The following HLA-DPB1 variants were observed in gnomAD, a reference collection of about 807,000 sequenced individuals.
HLA-DPB1 encodes HLA class II histocompatibility antigen, DP beta 1 chain.
HLA-DPB1 carries 30 observed loss-of-function variants against 29.4 expected under a neutral mutation model. The observed-to-expected ratio is 1.02, with a 90% confidence interval of 0.76 to 1.38. The LOEUF (loss-of-function observed/expected upper bound fraction) is 1.38. Ranked by LOEUF, HLA-DPB1 falls within the 40% of genes most tolerant of loss-of-function variation. HLA-DPB1 has a pLI of 0.00. For missense variants in HLA-DPB1, 261 were observed against 327.5 expected (o/e 0.80, Z 1.57); for synonymous variants, 114 against 134.0 (o/e 0.85, Z 1.03).
intron 1 of HLA-DPB1, among the ~76,000 whole-genome samples, chr6:33,076,596 G>A (rs1318601808): frequency 6.6e-6 from 1 of 152,200 alleles, no homozygotes; most frequent in East Asian, 1.9e-4. Flanking sequence ...CCCCAGGGTG[G>A]AGCAGGAGCC....
Position 33,087,609 on chromosome 6 carries a change from C to A in HLA-DPB1, c.*1075C>A, listed in dbSNP as rs1023899754. The stretch of plus-strand genomic sequence containing the variant: ...TGCCTTCAGTCTCCCTGGCTTCTTA[C>A]AAGCATCTTCTGGGCCTTGTGTGTC... On this transcript the variant is annotated 3_prime_UTR_variant, in exon 6 of 6. Coordinates refer to ENST00000418931, the MANE Select transcript of HLA-DPB1 (RefSeq NM_002121.6). Among the ~76,000 whole-genome samples, 2 of 152,204 alleles carry A rather than the reference C, an allele frequency of 1.3e-5. No homozygotes were observed. Among genetic ancestry groups the A allele is most frequent in the Admixed American group, 1.3e-4 (2 of 15,286 alleles).
intron 2 of HLA-DPB1, among the ~76,000 whole-genome samples, chr6:33,082,581 A>G (rs941056291): frequency 6.6e-6 from 1 of 152,152 alleles, no homozygotes; most frequent in Non-Finnish European, 1.5e-5. Flanking sequence ...GAAGACTACT[A>G]AGGGTGCTGG....
chr6:33,081,288 T>G, intron 2 of HLA-DPB1: 1 of 266,616 alleles, frequency 3.8e-6, no homozygotes, highest in Non-Finnish European at 7.0e-6. Flanking sequence ...AGAAGAAACC[T>G]ACAGGGAGGT....
rs956770435 is a variant in HLA-DPB1, at chr6:33,084,906, A to G, written c.365-44A>G. 25 of 1,151,098 alleles carry G rather than the reference A, an allele frequency of 2.2e-5. 1 individual carries two copies. The highest frequency in any genetic ancestry group is 2.9e-5 in the Non-Finnish European group (24 of 837,914). The allele number at this position is 1,151,098 out of a possible 1,614,324, so 71.3% of individuals were successfully genotyped here. ...GAAGGAAGGAAGGAAGGAAAGAAGGACAATCTCAAATTCTATTTCATTATT... is the reference window on the plus strand; with the variant it reads ...GAAGGAAGGAAGGAAGGAAAGAAGGGCAATCTCAAATTCTATTTCATTATT... On this transcript the variant is annotated intron_variant, in intron 2 of 5. Coordinates refer to ENST00000418931, the MANE Select transcript of HLA-DPB1 (RefSeq NM_002121.6).
At position 33,088,132 on chromosome 6, in the gene HLA-DPB1, A is replaced by G. The variant is rs1216015827; in HGVS notation, c.*1598A>G. ...TGAGAAACCTATGCAGCATAAAATT[A>G]ATATGATTTCAATCCAGGGATTCAA... is the stretch of plus-strand genomic sequence containing the variant. On this transcript the variant is annotated 3_prime_UTR_variant, in exon 6 of 6. Transcript: ENST00000418931. Among the ~76,000 whole-genome samples, 1 of 152,216 alleles carries G rather than the reference A, an allele frequency of 6.6e-6. No homozygotes were observed. The highest frequency in any genetic ancestry group is 1.5e-5 in the Non-Finnish European group (1 of 68,038).
chr6:33,081,210 A>C, intron 2 of HLA-DPB1: 1 of 497,982 alleles, frequency 2.0e-6, no homozygotes, highest in Non-Finnish European at 3.5e-6. Flanking sequence ...GAAAAAAGGA[A>C]GCCACAGGAC....
At position 33,080,658 on chromosome 6, in the gene HLA-DPB1, C is replaced by A. The variant is rs772739416; in HGVS notation, c.101-14C>A. 1 of 1,612,206 alleles carries A rather than the reference C, an allele frequency of 6.2e-7. No homozygotes were observed. The highest frequency in any genetic ancestry group is 1.7e-5 in the Admixed American group (1 of 60,010). On this transcript the variant is annotated splice_polypyrimidine_tract_variant and intron_variant, in intron 1 of 5. Coordinates refer to ENST00000418931, the MANE Select transcript of HLA-DPB1 (RefSeq NM_002121.6). The surrounding 1 kb of genome is among the most constrained non-coding windows in gnomAD (Gnocchi z 4.3). Reference sequence around the variant, plus strand: ...AGAGTGGCGCCTCCGCTCATGTCCGCCCCCTCCCCGCAGAGAATTACCTTT... The same window carrying A: ...AGAGTGGCGCCTCCGCTCATGTCCGACCCCTCCCCGCAGAGAATTACCTTT...
Position 33,085,241 on chromosome 6 carries a change from T to TGA in HLA-DPB1, c.646+11_646+12dup. 1 of 1,595,936 alleles carries TGA rather than the reference T, an allele frequency of 6.3e-7. No individual in the cohort carries two copies. On this transcript the variant is annotated intron_variant, in intron 3 of 5. Transcript: ENST00000418931. ...GTCACCGTGGAGTGGAGTGAGTCTC[T>TGA]GATGACCCTCTAGACCCCACCTCTG... is the stretch of plus-strand genomic sequence containing the variant.
intron 2 of HLA-DPB1, among the ~76,000 whole-genome samples, chr6:33,082,502 A>G (rs9277378): frequency 0.4 from 60,780 of 151,746 alleles, 14,419 homozygotes; most frequent in African/African-American, 0.65. Flanking sequence ...CCATGTAGCC[A>G]GATAAGTATT....
chr6:33,084,921 A>G lies in HLA-DPB1; in HGVS notation c.365-29A>G, dbSNP rs376756513. ...GGAAAGAAGGACAATCTCAAATTCT[A>G]TTTCATTATTTTTCTTCCACGCTCC... On this transcript the variant is annotated intron_variant, in intron 2 of 5. Coordinates refer to ENST00000418931, the MANE Select transcript of HLA-DPB1 (RefSeq NM_002121.6). 1.2e-5 allele frequency: 17 copies of G among 1,365,914 alleles called. 2 individuals carry two copies. The highest frequency in any genetic ancestry group is 1.7e-5 in the Non-Finnish European group (17 of 1,000,772). 84.6% of individuals were successfully genotyped at this position (1,365,914 alleles called of 1,614,324 possible). A position where few individuals can be genotyped will look rare whatever the true frequency, so the allele number is the denominator to read the frequency against.
intron 3 of HLA-DPB1, 85 bp downstream of exon 3, chr6:33,085,316 AT>A (rs1363450754): frequency 8.3e-7 from 1 of 1,199,510 alleles, no homozygotes; most frequent in African/African-American, 1.6e-5. Flanking sequence ...TATCTTCTGC[AT>A]CTATACCCTG....
rs3130169 is a variant in HLA-DPB1 at position 33,080,325 on chromosome 6, C to T, written c.101-347C>T. The T allele has an allele frequency of 0.08, 38,295 of 477,644 alleles. 2,041 individuals carry two copies. Among genetic ancestry groups the T allele is most frequent in the Non-Finnish European group, 0.1 (25,330 of 242,294 alleles). The allele number at this position is 477,644 out of a possible 1,614,324, so 29.6% of individuals were successfully genotyped here. ...CGCCCTCCACGTCCCCAGCTCCTCCCGCCCCTGTTTTTTCTCCCAGTGACC... is the reference window on the plus strand; with the variant it reads ...CGCCCTCCACGTCCCCAGCTCCTCCTGCCCCTGTTTTTTCTCCCAGTGACC... On this transcript the variant is annotated intron_variant, in intron 1 of 5. Transcript: ENST00000418931. The surrounding 1 kb of genome is among the most constrained non-coding windows in gnomAD (Gnocchi z 4.3).
At chr6:33,082,132 G>A (rs544249284) in intron 2 of HLA-DPB1, 1 of 152,386 alleles carries the variant, frequency 6.6e-6, no homozygotes, top group East Asian at 1.9e-4. Context: ...CACTGGGTGG[G>A]GATGAGGTGA....
Position 33,086,653 on chromosome 6 carries a change from G to C in HLA-DPB1, c.*119G>C. The C allele has an allele frequency of 2.0e-6, 1 of 490,254 alleles. No individual in the cohort carries two copies. The highest frequency in any genetic ancestry group is 4.1e-6 in the Non-Finnish European group (1 of 246,806). The allele number at this position is 490,254 out of a possible 1,614,324, so 30.4% of individuals were successfully genotyped here. Reference sequence around the variant, plus strand: ...CTTCCAAATTGGATACTGCTGCCAAGAAGTTGCTCTGAAGTCAGTTTCTAT... The same window carrying C: ...CTTCCAAATTGGATACTGCTGCCAACAAGTTGCTCTGAAGTCAGTTTCTAT... On this transcript the variant is annotated 3_prime_UTR_variant, in exon 6 of 6. Transcript: ENST00000418931.
At chr6:33,086,514 G>A in intron 5 of HLA-DPB1, 25 bp from the exon 6 acceptor site, 1 of 672,724 alleles carries the variant, frequency 1.5e-6, no homozygotes, top group South Asian at 1.5e-5. Context: ...GGCAACCTGG[G>A]ATAACTTGTC....
In HLA-DPB1 at chr6:33,086,531, C is replaced by T. The variant is rs756813500; in HGVS notation, c.*5-8C>T. 3.0e-6 allele frequency: 2 copies of T among 658,072 alleles called. No homozygotes were observed. Among genetic ancestry groups the T allele is most frequent in the East Asian group, 7.0e-5 (2 of 28,654 alleles). 40.8% of individuals were successfully genotyped at this position (658,072 alleles called of 1,614,324 possible). On this transcript the variant is annotated splice_region_variant and splice_polypyrimidine_tract_variant and intron_variant, in intron 5 of 5. Transcript: ENST00000418931. ...CAACCTGGGATAACTTGTCTTTTACCCCCACAGGGTTCCTGAGCTCACTGA... is the reference window on the plus strand; with the variant it reads ...CAACCTGGGATAACTTGTCTTTTACTCCCACAGGGTTCCTGAGCTCACTGA...
chr6:33,086,119 T>G, intron 4 of HLA-DPB1, 100 bp from the exon 5 acceptor site: 2 of 1,116,354 alleles, frequency 1.8e-6, no homozygotes, highest in Non-Finnish European at 2.7e-6. Context: ...GAGCGTCCAT[T>G]GAGTGATGGG....
rs3130186 is a variant in HLA-DPB1 at position 33,088,430 on chromosome 6, C to T, written c.*1896C>T. On this transcript the variant is annotated 3_prime_UTR_variant, in exon 6 of 6. Coordinates refer to ENST00000418931, the MANE Select transcript of HLA-DPB1 (RefSeq NM_002121.6). ...GGTATCTGCACCCACATTACAGGAA[C>T]AGGATATGTGCTCCTAGGGAACTGA... Among the ~76,000 whole-genome samples, 38,351 of 151,980 alleles carry T rather than the reference C, an allele frequency of 0.25. 5,253 individuals are homozygous for T. Among genetic ancestry groups the T allele is most frequent in the East Asian group, 0.63 (3,246 of 5,174 alleles).
chr6:33,083,848 A>C (rs1762977349), intron 2 of HLA-DPB1: 2 of 152,216 alleles, frequency 1.3e-5, no homozygotes, highest in South Asian at 4.2e-4. Context: ...GTGGAAATTC[A>C]CCTGAGAACA....
Sources: gnomAD v4.1 joint callset for allele counts (sites outside exome capture counted in the v4.1 genomes callset) on GRCh38, gnomAD v4.1.1 for gene constraint, Gnocchi (gnomAD v3.1) non-coding constraint, MANE v1.5 for transcripts, NCBI Gene and HGNC (gene_info 2026-07-23, HGNC 2026-07-21) for gene names.